The following PKD2 variants were observed in gnomAD, a reference collection of about 807,000 sequenced individuals.
The protein encoded by PKD2 is polycystin 2, transient receptor potential cation channel, also known as polycystin-2.
In PKD2, 48 loss-of-function variants were observed where a neutral mutation model predicts 105.9. The observed-to-expected ratio is 0.45, with a 90% CI of 0.36 to 0.58. The LOEUF (loss-of-function observed/expected upper bound fraction) is 0.58. Ranked by LOEUF, PKD2 falls within the 20% of genes least tolerant of loss-of-function variation. The pLI, the probability that PKD2 is intolerant of heterozygous loss-of-function variation, is 0.00. For synonymous variants in PKD2, 464 were observed against 481.1 expected (o/e 0.96, Z 0.46); for missense variants, 1,078 against 1,255.3 (o/e 0.86, Z 2.13).
Position 88,066,083 on chromosome 4 carries a change from C to T in PKD2, c.2358+204C>T, listed in dbSNP as rs183511394. 2.5e-3 allele frequency among the ~76,000 whole-genome samples: 381 copies of T among 152,126 alleles called. 1 individual carries two copies. The highest frequency in any genetic ancestry group is 4.6e-3 in the Non-Finnish European group (315 of 67,990). On this transcript the variant is annotated intron_variant, in intron 12 of 14. Coordinates refer to ENST00000237596, the MANE Select transcript of PKD2 (RefSeq NM_000297.4). ...ATTATGTATAAAAATGGGTGGTTAG[C>T]ATGATATAAAAACGTCAAAATGAAA...
At chr4:88,017,984 T>C (rs140077526) in intron 1 of PKD2, among the ~76,000 whole-genome samples, 2 of 152,362 alleles carry the variant, frequency 1.3e-5, no homozygotes, top group Non-Finnish European at 2.9e-5. Flanking sequence ...CCGAGCCTAA[T>C]CTTTGGCTGC....
intron 1 of PKD2, among the ~76,000 whole-genome samples, chr4:88,011,407 C>G (rs943006511): frequency 6.6e-6 from 1 of 151,318 alleles, no homozygotes; most frequent in Non-Finnish European, 1.5e-5. Context: ...ACAGATACCT[C>G]CCTCCCCTTC....
chr4:88,012,243 C>T (rs1006131847), intron 1 of PKD2, among the ~76,000 whole-genome samples: 4 of 152,324 alleles, frequency 2.6e-5, no homozygotes, highest in East Asian at 1.9e-4. Flanking sequence ...AACTCTCATC[C>T]GTCACCACTT....
At chr4:88,035,433 TGTG>T (rs1267072438) in intron 2 of PKD2, among the ~76,000 whole-genome samples, 1 of 152,078 alleles carries the variant, frequency 6.6e-6, no homozygotes, top group African/African-American at 2.4e-5. Context: ...TTTACAGAGA[TGTG>T]GTGGGGTTAA....
At chr4:88,041,802 T>G (rs1223359290) in intron 4 of PKD2, among the ~76,000 whole-genome samples, 2 of 152,098 alleles carry the variant, frequency 1.3e-5, no homozygotes, top group Admixed American at 1.3e-4. Flanking sequence ...AGGGAGCTGT[T>G]TATCAGTCAA....
chr4:88,018,672 C>A (rs1463140471), intron 1 of PKD2, among the ~76,000 whole-genome samples: 3 of 152,236 alleles, frequency 2.0e-5, no homozygotes, highest in Non-Finnish European at 4.4e-5. Context: ...GTCACTCTCT[C>A]CAGCAAGCTC....
rs1239041552 is a variant in PKD2, at chr4:88,019,678, G to A, written c.709+107G>A. The A allele has an allele frequency of 4.2e-6, 3 of 721,152 alleles. No homozygotes were observed. In the Admixed American group the frequency reaches 6.0e-5, roughly 14 times the overall value. 44.7% of individuals were successfully genotyped at this position (721,152 alleles called of 1,614,324 possible). A position where few individuals can be genotyped will look rare whatever the true frequency, so the allele number is the denominator to read the frequency against. ...TATGCACCAGAGGGGCAACTGGGAA[G>A]TTACCTTCTTACCTTTGTTTTTAAT... On this transcript the variant is annotated intron_variant, in intron 2 of 14. Transcript: ENST00000237596.
At position 88,046,785 on chromosome 4, in the gene PKD2, T is replaced by C. The variant is rs1560614116; in HGVS notation, c.1463T>C (p.Val488Ala). Residue 488 changes from valine to alanine, a missense_variant, in exon 6 of 15, where the codon GTG becomes GCG. Coordinates refer to ENST00000237596, the MANE Select transcript of PKD2 (RefSeq NM_000297.4). ...IIFCFFIFYYVVEEILEIRIH... is the reference protein window; with the variant it reads ...IIFCFFIFYYAVEEILEIRIH... ...TTTTGTTTCTTTATCTTTTACTATG[T>C]GGTGGAAGAGATATTGGAAATTCGC... 1 of 1,610,744 alleles carries C rather than the reference T, an allele frequency of 6.2e-7. No homozygotes were observed. Among genetic ancestry groups the C allele is most frequent in the East Asian group, 2.2e-5 (1 of 44,864 alleles).
chr4:88,048,018 A>C (rs1003786633), intron 6 of PKD2, among the ~76,000 whole-genome samples: 61 of 152,328 alleles, frequency 4.0e-4, no homozygotes, highest in Admixed American at 2.7e-3. Flanking sequence ...TGTATAAAAG[A>C]ATTTTTACAA....
intron 1 of PKD2, among the ~76,000 whole-genome samples, chr4:88,013,709 T>TAAAAA (rs199674454): frequency 7.6e-6 from 1 of 131,152 alleles, no homozygotes; most frequent in Non-Finnish European, 1.6e-5. Context: ...AGCCTGTATC[T>TAAAAA]AAAAAAAAAA....
chr4:88,062,626 G>A (rs1172180897), intron 10 of PKD2, among the ~76,000 whole-genome samples: 1 of 151,986 alleles, frequency 6.6e-6, no homozygotes, highest in African/African-American at 2.4e-5. Flanking sequence ...TTCTTTATTT[G>A]GTTTAAAGTA....
chr4:88,030,981 T>A (rs1727124957), intron 2 of PKD2, among the ~76,000 whole-genome samples: 1 of 152,240 alleles, frequency 6.6e-6, no homozygotes, highest in Non-Finnish European at 1.5e-5. Flanking sequence ...GGTCCCCAAC[T>A]TACGATGGTT....
chr4:88,017,720 A>G (rs1341691936), intron 1 of PKD2, among the ~76,000 whole-genome samples: 1 of 152,178 alleles, frequency 6.6e-6, no homozygotes. Flanking sequence ...TAGCTTGAAG[A>G]AAATTTGATA....
At chr4:88,025,390 G>A (rs1244335434) in intron 2 of PKD2, among the ~76,000 whole-genome samples, 1 of 152,064 alleles carries the variant, frequency 6.6e-6, no homozygotes, top group Non-Finnish European at 1.5e-5. Flanking sequence ...GCTGCAGTGA[G>A]CTATGATTAG....
At chr4:88,050,377 C>T (rs549939884) in intron 6 of PKD2, among the ~76,000 whole-genome samples, 6 of 152,300 alleles carry the variant, frequency 3.9e-5, no homozygotes, top group Admixed American at 1.3e-4. Flanking sequence ...ACCCAAATCT[C>T]TGCCCTCCCA....
chr4:88,025,688 G>A (rs963150356), intron 2 of PKD2, among the ~76,000 whole-genome samples: 1 of 152,086 alleles, frequency 6.6e-6, no homozygotes. Flanking sequence ...GTTTGACTCT[G>A]TGTTGCCACC....
chr4:88,018,282 C>G (rs1726626575), intron 1 of PKD2, among the ~76,000 whole-genome samples: 1 of 152,146 alleles, frequency 6.6e-6, no homozygotes, highest in Non-Finnish European at 1.5e-5. Context: ...TACCCAAATT[C>G]AGGAATAGAA....
intron 4 of PKD2, among the ~76,000 whole-genome samples, chr4:88,040,628 A>G (rs929531406): frequency 6.6e-6 from 1 of 152,084 alleles, no homozygotes; most frequent in Non-Finnish European, 1.5e-5. Context: ...TTGACATCTC[A>G]CCAGGAAGCT....
chr4:88,057,894 A>G, intron 8 of PKD2, 89 bp from the exon 9 acceptor site: 5 of 1,092,264 alleles, frequency 4.6e-6, no homozygotes, highest in South Asian at 1.2e-5. Flanking sequence ...AAAAGGTCCA[A>G]AAATAATGAA....
Sources: allele counts gnomAD v4.1 joint callset (sites outside exome capture counted in the v4.1 genomes callset), GRCh38; gene constraint gnomAD v4.1.1; transcripts MANE v1.5; gene names NCBI Gene and HGNC (gene_info 2026-07-23, HGNC 2026-07-21).